PDE1C: variants seen among roughly 807,000 people sequenced by gnomAD.
PDE1C encodes the protein dual specificity calcium/calmodulin-dependent 3',5'-cyclic nucleotide phosphodiesterase 1C.
PDE1C carries 62 observed loss-of-function variants against 93.1 expected under a neutral mutation model. That is an observed-to-expected ratio of 0.67 (90% CI 0.54 to 0.82). The LOEUF (loss-of-function observed/expected upper bound fraction) is 0.82, where lower values mean the gene tolerates loss of function less well. Among genes scored for constraint, PDE1C ranks in the 40% least tolerant of loss-of-function variants. The pLI is 0.00. For missense variants in PDE1C, 742 were observed against 884.6 expected (o/e 0.84, Z 2.04); for synonymous variants, 325 against 310.1 (o/e 1.05, Z -0.50).
At chr7:31,677,548 T>TG in the PDE1C span, among the ~76,000 whole-genome samples, 1 of 152,168 alleles carries the variant, frequency 6.6e-6, no homozygotes, top group Non-Finnish European at 1.5e-5. Context: ...AGAAAGATCA[T>TG]ATTTTTTTTC....
At chr7:32,096,297 G>A (rs900085189) in intron 3 of PDE1C, among the ~76,000 whole-genome samples, 3 of 152,166 alleles carry the variant, frequency 2.0e-5, no homozygotes, top group African/African-American at 7.2e-5. Flanking sequence ...CCGGGGAGAG[G>A]AAGAACTAGT....
chr7:32,263,360 T>C (rs1027990443), intron 1 of PDE1C, among the ~76,000 whole-genome samples: 2 of 152,146 alleles, frequency 1.3e-5, no homozygotes, highest in African/African-American at 4.8e-5. Context: ...GGTGTGTGTG[T>C]GTGTCTGTGT....
chr7:32,254,963 T>C (rs943705702), intron 1 of PDE1C, among the ~76,000 whole-genome samples: 1 of 152,086 alleles, frequency 6.6e-6, no homozygotes, highest in Admixed American at 6.5e-5. Flanking sequence ...TTGCAAAAAA[T>C]CAAACAAACA....
intron 2 of PDE1C, among the ~76,000 whole-genome samples, chr7:31,974,935 G>T (rs1029922501): frequency 6.6e-6 from 1 of 152,104 alleles, no homozygotes; most frequent in Non-Finnish European, 1.5e-5. Context: ...TATCCTGCAG[G>T]TTCTCCCCAT....
exon 1 of PDE1C, chr7:32,427,934 C>G (rs955500343): frequency 2.0e-5 from 3 of 152,388 alleles, no homozygotes; most frequent in Non-Finnish European, 2.9e-5. Context: ...GATGTCTCGC[C>G]GCGGGCTGTG....
chr7:32,278,493 C>A (rs550010388), intron 1 of PDE1C, among the ~76,000 whole-genome samples: 1 of 152,266 alleles, frequency 6.6e-6, no homozygotes, highest in Non-Finnish European at 1.5e-5. Context: ...CTGAAAAATC[C>A]ATTAGAAGAG....
intron 1 of PDE1C, among the ~76,000 whole-genome samples, chr7:32,330,018 T>C (rs1316208391): frequency 6.6e-6 from 1 of 152,208 alleles, no homozygotes; most frequent in African/African-American, 2.4e-5. Flanking sequence ...TGCCCTGAAA[T>C]CAAGATTGAA....
chr7:31,916,057 T>A (rs1024070140), intron 2 of PDE1C, among the ~76,000 whole-genome samples: 3 of 152,174 alleles, frequency 2.0e-5, no homozygotes, highest in Admixed American at 6.5e-5. Flanking sequence ...GGGGGGCACC[T>A]CTCAAATGAG....
intron 1 of PDE1C, among the ~76,000 whole-genome samples, chr7:32,241,523 T>G (rs1175934014): frequency 6.6e-6 from 1 of 152,032 alleles, no homozygotes; most frequent in Non-Finnish European, 1.5e-5. Flanking sequence ...TGGTGTAGAC[T>G]GAAGAGAGAA....
chr7:32,349,132 C>G (rs1438565437), intron 1 of PDE1C, among the ~76,000 whole-genome samples: 1 of 152,216 alleles, frequency 6.6e-6, no homozygotes, highest in Non-Finnish European at 1.5e-5. Context: ...TAGAAGTAGC[C>G]CTCGCAGTCA....
At chr7:32,099,743 G>A (rs1246240221) in intron 3 of PDE1C, among the ~76,000 whole-genome samples, 2 of 152,106 alleles carry the variant, frequency 1.3e-5, no homozygotes, top group Non-Finnish European at 2.9e-5. Flanking sequence ...TTACTCAAGT[G>A]CACCATACAC....
At chr7:32,187,310 C>G (rs1803947781) in intron 2 of PDE1C, among the ~76,000 whole-genome samples, 2 of 152,050 alleles carry the variant, frequency 1.3e-5, no homozygotes, top group Admixed American at 1.3e-4. Flanking sequence ...TATCTTTAAA[C>G]TTAAAATTAT....
intron 1 of PDE1C, among the ~76,000 whole-genome samples, chr7:32,377,554 C>A (rs184298496): frequency 0.01 from 1,533 of 152,284 alleles, 9 homozygotes; most frequent in Non-Finnish European, 0.018. Context: ...CTTCCATCCT[C>A]AAATGTTCCA....
At chr7:31,665,652 A>G in the PDE1C span, among the ~76,000 whole-genome samples, 1 of 152,194 alleles carries the variant, frequency 6.6e-6, no homozygotes, top group Non-Finnish European at 1.5e-5. Context: ...GCACTTTACC[A>G]AAATTAGTTT....
At chr7:32,130,440 C>T (rs894256207) in intron 3 of PDE1C, among the ~76,000 whole-genome samples, 17 of 152,080 alleles carry the variant, frequency 1.1e-4, no homozygotes, top group African/African-American at 3.4e-4. Context: ...TCTCTCCCTC[C>T]GTTTCCTGTG....
At chr7:31,682,985 G>C in the PDE1C span, among the ~76,000 whole-genome samples, 1 of 152,192 alleles carries the variant, frequency 6.6e-6, no homozygotes, top group Admixed American at 6.5e-5. Flanking sequence ...TGTGGAGTCT[G>C]GGAGGGTAAA....
At chr7:32,420,621 T>C (rs10226019) in intron 1 of PDE1C, among the ~76,000 whole-genome samples, 34,854 of 151,072 alleles carry the variant, frequency 0.23, 4,225 homozygotes, top group African/African-American at 0.26. Flanking sequence ...TCGTGAGATT[T>C]GAGTAAGATT....
chr7:31,759,387 G>A (rs1794687032), intron 17 of PDE1C, among the ~76,000 whole-genome samples: 1 of 152,130 alleles, frequency 6.6e-6, no homozygotes, highest in Non-Finnish European at 1.5e-5. Flanking sequence ...TCCCACAGCT[G>A]AATCCAACCA....
chr7:32,348,655 G>C (rs1009924380), intron 1 of PDE1C, among the ~76,000 whole-genome samples: 3 of 151,974 alleles, frequency 2.0e-5, no homozygotes, highest in Non-Finnish European at 4.4e-5. Context: ...GAGCCACCAC[G>C]CCCAGCCACA....
Sources: allele counts gnomAD v4.1 joint callset (sites outside exome capture counted in the v4.1 genomes callset), GRCh38; gene constraint gnomAD v4.1.1; transcripts MANE v1.5; gene names NCBI Gene and HGNC (gene_info 2026-07-23, HGNC 2026-07-21).